Variants in SIM1 observed in about 807,000 individuals in gnomAD.
SIM1 encodes SIM bHLH transcription factor 1.
SIM1 carries 18 observed loss-of-function variants against 78.2 expected under a neutral mutation model. The ratio of observed to expected loss-of-function variants is 0.23; its 90% CI spans 0.16 to 0.34. The LOEUF (loss-of-function observed/expected upper bound fraction) is 0.34. SIM1 is among the 10% of genes least tolerant of loss of function. SIM1 has a pLI of 1.00. For missense variants in SIM1, 939 were observed against 975.1 expected (o/e 0.96, Z 0.49); for synonymous variants, 417 against 385.2 (o/e 1.08, Z -0.97).
rs1180351028 is a variant in SIM1, at chr6:100,385,142, G to A, written c.*5219C>T. 1 of 151,950 alleles carries A rather than the reference G, an allele frequency of 6.6e-6. No individual in the cohort carries two copies. Among genetic ancestry groups the A allele is most frequent in the Non-Finnish European group, 1.5e-5 (1 of 67,928 alleles). 9.4% of individuals were successfully genotyped at this position (151,950 alleles called of 1,614,324 possible). ...AAATAATTATAAATGGGAACACTTT[G>A]CAAGATATCATTGACATAGCTAATA... On this transcript the variant is annotated 3_prime_UTR_variant, in exon 12 of 12. Transcript: ENST00000369208.
At chr6:100,431,445 A>G (rs533226118) in intron 9 of SIM1, among the ~76,000 whole-genome samples, 2 of 152,358 alleles carry the variant, frequency 1.3e-5, no homozygotes, top group South Asian at 2.1e-4. Context: ...AATAAATTTG[A>G]GATTTATTTT....
rs753478186 is a variant in SIM1, at chr6:100,450,381, T to C, written c.259-25A>G. The C allele has an allele frequency of 2.8e-5, 45 of 1,602,442 alleles. No individual in the cohort carries two copies. The Admixed American group carries it at 7.5e-4, about 27-fold the overall frequency. ...TCTGGGGAGGCACAAATAGAGAGAA[T>C]AGAGAGCCCTCTGGGCCATCTGGAG... On this transcript the variant is annotated intron_variant, in intron 3 of 11. Transcript: ENST00000369208.
intron 3 of SIM1, among the ~76,000 whole-genome samples, chr6:100,451,223 G>C (rs955220176): frequency 1.3e-5 from 2 of 152,200 alleles, no homozygotes; most frequent in Non-Finnish European, 2.9e-5. Context: ...AGGCCTGGGG[G>C]ACAATCAGGC....
intron 3 of SIM1, among the ~76,000 whole-genome samples, chr6:100,450,684 TCTCTCTCTCTCTCA>T (rs1264004809): frequency 5.8e-4 from 53 of 91,154 alleles, no homozygotes; most frequent in African/African-American, 2.6e-3. Flanking sequence ...TCTCTCTCTC[TCTCTCTCTCTCTCA>T]CACACACACA....
chr6:100,420,485 G>A (rs1771546090), intron 10 of SIM1, among the ~76,000 whole-genome samples: 1 of 152,028 alleles, frequency 6.6e-6, no homozygotes, highest in Admixed American at 6.6e-5. Flanking sequence ...CTACATCATG[G>A]TCACTCACTG....
intron 10 of SIM1, among the ~76,000 whole-genome samples, chr6:100,409,369 G>A (rs1771135937): frequency 6.6e-6 from 1 of 151,888 alleles, no homozygotes; most frequent in African/African-American, 2.4e-5. Context: ...TGATATTTCT[G>A]TAGTATCAGC....
chr6:100,389,771 C>G lies in SIM1; in HGVS notation c.*590G>C. 2.5e-6 allele frequency: 1 copy of G among 399,184 alleles called. No homozygotes were observed. Among genetic ancestry groups the G allele is most frequent in the Non-Finnish European group, 4.4e-6 (1 of 226,258 alleles). The allele number at this position is 399,184 out of a possible 1,614,324, so 24.7% of individuals were successfully genotyped here. On this transcript the variant is annotated 3_prime_UTR_variant, in exon 12 of 12. Transcript: ENST00000369208. ...GTGAAAACTCATTTTTGCACCATAT[C>G]CAGAACCATTTCTCTAATTTATGCC...
At chr6:100,413,435 G>A (rs536096529) in intron 10 of SIM1, among the ~76,000 whole-genome samples, 1 of 152,214 alleles carries the variant, frequency 6.6e-6, no homozygotes, top group East Asian at 1.9e-4. Flanking sequence ...TTGTTGGTAG[G>A]TCTAATTTCA....
intron 9 of SIM1, among the ~76,000 whole-genome samples, chr6:100,441,589 T>C (rs1278745900): frequency 6.6e-6 from 1 of 152,192 alleles, no homozygotes; most frequent in African/African-American, 2.4e-5. Context: ...ATAGAATAAT[T>C]AGTAATAGCA....
intron 9 of SIM1, among the ~76,000 whole-genome samples, chr6:100,425,818 T>C (rs1331417495): frequency 6.6e-6 from 1 of 152,168 alleles, no homozygotes; most frequent in African/African-American, 2.4e-5. Context: ...CTCAGTAGAA[T>C]CATGTATTTA....
chr6:100,454,569 GC>G (rs553630159), intron 2 of SIM1, among the ~76,000 whole-genome samples: 2 of 152,088 alleles, frequency 1.3e-5, no homozygotes, highest in East Asian at 3.9e-4. Context: ...TACTTTGGGT[GC>G]TAACAATCTT....
intron 9 of SIM1, chr6:100,437,338 C>G (rs1390211997): frequency 1.3e-5 from 2 of 152,144 alleles, no homozygotes. Flanking sequence ...TCAAATGAGA[C>G]TCTCTGACCC....
At chr6:100,425,980 C>T (rs1409763478) in intron 9 of SIM1, among the ~76,000 whole-genome samples, 4 of 152,220 alleles carry the variant, frequency 2.6e-5, no homozygotes, top group Non-Finnish European at 5.9e-5. Flanking sequence ...AAGTGCCACA[C>T]AAACCCTGTT....
At chr6:100,431,130 G>A (rs577902187) in intron 9 of SIM1, among the ~76,000 whole-genome samples, 1 of 152,192 alleles carries the variant, frequency 6.6e-6, no homozygotes, top group Non-Finnish European at 1.5e-5. Flanking sequence ...AACTCCCCAG[G>A]AAATGACACC....
intron 2 of SIM1, among the ~76,000 whole-genome samples, chr6:100,457,337 G>A (rs1380942641): frequency 6.6e-6 from 1 of 152,238 alleles, no homozygotes; most frequent in African/African-American, 2.4e-5. Context: ...CAATGGGGGA[G>A]GGTGGCGGAG....
chr6:100,458,490 C>G (rs1032227227), intron 2 of SIM1, among the ~76,000 whole-genome samples: 7 of 152,210 alleles, frequency 4.6e-5, no homozygotes, highest in Non-Finnish European at 8.8e-5. Context: ...GACTGCTTGC[C>G]CTTCAGGGAC....
In SIM1 at chr6:100,386,701, A is replaced by T. The variant is rs1210650143; in HGVS notation, c.*3660T>A. On this transcript the variant is annotated 3_prime_UTR_variant, in exon 12 of 12. Coordinates refer to ENST00000369208, the MANE Select transcript of SIM1 (RefSeq NM_005068.3). ...ACACGGTATAGAGTGAATTAAGAAT[A>T]GTGCCCGATGGAAACAATCTAGCCC... The T allele has an allele frequency of 3.3e-5, 5 of 152,062 alleles. No individual in the cohort carries two copies. Among genetic ancestry groups the T allele is most frequent in the Non-Finnish European group, 5.9e-5 (4 of 67,930 alleles). The allele number at this position is 152,062 out of a possible 1,614,324, so 9.4% of individuals were successfully genotyped here.
At chr6:100,418,960 A>G (rs1260169283) in intron 10 of SIM1, among the ~76,000 whole-genome samples, 2 of 152,134 alleles carry the variant, frequency 1.3e-5, no homozygotes, top group Non-Finnish European at 2.9e-5. Context: ...TAAGGTCGGG[A>G]GTTCAAGACC....
chr6:100,408,940 T>C (rs1247184458), intron 10 of SIM1, among the ~76,000 whole-genome samples: 1 of 152,120 alleles, frequency 6.6e-6, no homozygotes, highest in Non-Finnish European at 1.5e-5. Flanking sequence ...AGTTTGGAAA[T>C]GTTTCTTCTT....
Sources: allele counts gnomAD v4.1 joint callset (sites outside exome capture counted in the v4.1 genomes callset), GRCh38; gene constraint gnomAD v4.1.1; transcripts MANE v1.5; gene names NCBI Gene and HGNC (gene_info 2026-07-23, HGNC 2026-07-21).